The following DNAAF10 variants were observed in gnomAD, a reference collection of about 807,000 sequenced individuals.
DNAAF10 encodes WD repeat domain 92.
DNAAF10 carries 28 observed loss-of-function variants against 43.7 expected under a neutral mutation model. The ratio of observed to expected loss-of-function variants is 0.64; its 90% CI spans 0.48 to 0.88. The LOEUF (loss-of-function observed/expected upper bound fraction) is 0.88, where lower values mean the gene tolerates loss of function less well. Ranked by LOEUF, DNAAF10 falls within the 40% of genes least tolerant of loss-of-function variation. The pLI is 0.00. For synonymous variants in DNAAF10, 156 were observed against 157.3 expected (o/e 0.99, Z 0.06); for missense variants, 403 against 439.1 (o/e 0.92, Z 0.73).
chr2:68,150,187 T>G (rs1292954703), intron 1 of DNAAF10, among the ~76,000 whole-genome samples: 3 of 152,120 alleles, frequency 2.0e-5, no homozygotes, highest in African/African-American at 7.2e-5. Flanking sequence ...TGGATAAAAA[T>G]AAAAAACTGG....
chr2:68,152,521 A>C (rs1463256041), intron 1 of DNAAF10, among the ~76,000 whole-genome samples: 1 of 152,168 alleles, frequency 6.6e-6, no homozygotes, highest in Non-Finnish European at 1.5e-5. Flanking sequence ...CATAGTTCAC[A>C]AACGGGTTCC....
In DNAAF10 at chr2:68,131,239, CAAATT is replaced by C; in HGVS notation, c.1068_1072del (p.Ile357ThrfsTer7). 1 of 1,613,848 alleles carries C rather than the reference CAAATT, an allele frequency of 6.2e-7. No homozygotes were observed. The highest frequency in any genetic ancestry group is 8.5e-7 in the Non-Finnish European group (1 of 1,179,916). On this transcript the variant is annotated frameshift_variant and stop_lost, in exon 8 of 8. Coordinates refer to ENST00000295121, the MANE Select transcript of DNAAF10 (RefSeq NM_138458.4). LOFTEE classifies it high-confidence loss of function. The stretch of plus-strand genomic sequence containing the variant: ...AGCCTCAAGTCCAAAGTCTTGAAGT[CAAATT>C]TTATTGAGCTTTGTAACGATCAGTA...
intron 1 of DNAAF10, among the ~76,000 whole-genome samples, chr2:68,154,602 G>A (rs934098445): frequency 1.3e-5 from 2 of 151,976 alleles, no homozygotes; most frequent in African/African-American, 4.8e-5. Flanking sequence ...TATTTTCTTC[G>A]TTTTCCTATT....
Position 68,131,427 on chromosome 2 carries a change from C to T in DNAAF10, c.885G>A (p.Arg295=). Residue 295 remains arginine (R), a synonymous_variant, in exon 8 of 8, where the codon CGG becomes CGA. Coordinates refer to ENST00000295121, the MANE Select transcript of DNAAF10 (RefSeq NM_138458.4). The part of the protein sequence containing the change: ...HLWKYEYPIQ[R]SKKDSEGIEM... ...CTATTCCCTCAGAATCTTTCTTTGACCGCTGAATAGGGTATTCACTGAAAA... is the reference window on the plus strand; with the variant it reads ...CTATTCCCTCAGAATCTTTCTTTGATCGCTGAATAGGGTATTCACTGAAAA... 6.2e-7 allele frequency: 1 copy of T among 1,614,108 alleles called. No homozygotes were observed. The highest frequency in any genetic ancestry group is 8.5e-7 in the Non-Finnish European group (1 of 1,180,024).
chr2:68,144,649 TA>T lies in DNAAF10; in HGVS notation c.350del (p.Ile117LysfsTer4). The T allele has an allele frequency of 6.2e-7, 1 of 1,614,004 alleles. No homozygotes were observed. The highest frequency in any genetic ancestry group is 8.5e-7 in the Non-Finnish European group (1 of 1,179,922). ...CAATTCCTAGTCCACCTATGCCATC[TA>T]TGGCATTTATAATTTCTTTATGGCC... ...VKGHKEIINA[I>X]DGIGGLGIGE... On this transcript the variant is annotated frameshift_variant, in exon 3 of 8. Transcript: ENST00000295121. LOFTEE classifies it high-confidence loss of function.
chr2:68,131,445 A>T lies in DNAAF10; in HGVS notation c.867T>A (p.Tyr289Ter), dbSNP rs1449920222. 1 of 1,613,504 alleles carries T rather than the reference A, an allele frequency of 6.2e-7. No individual in the cohort carries two copies. The highest frequency in any genetic ancestry group is 8.5e-7 in the Non-Finnish European group (1 of 1,179,546). Residue 289 changes from tyrosine to a stop codon, truncating the protein, a stop_gained and splice_region_variant, in exon 8 of 8, where the codon TAT becomes TAA. Coordinates refer to ENST00000295121, the MANE Select transcript of DNAAF10 (RefSeq NM_138458.4). LOFTEE classifies it high-confidence loss of function. ...TCTTTGACCGCTGAATAGGGTATTC[A>T]CTGAAAACAAGATCAAAATGGTAAG... is the stretch of plus-strand genomic sequence containing the variant. ...GGAGGLHLWK[Y>*]EYPIQRSKKD...
intron 2 of DNAAF10, 34 bp from the exon 3 acceptor site, chr2:68,144,749 T>C (rs201316720): frequency 1.9e-6 from 3 of 1,587,390 alleles, no homozygotes; most frequent in African/African-American, 2.7e-5. Flanking sequence ...ACACCACATA[T>C]CCCAAACATA....
chr2:68,137,518 T>C (rs1673073004), intron 5 of DNAAF10, 85 bp from the exon 6 acceptor site: 1 of 1,257,892 alleles, frequency 7.9e-7, no homozygotes, highest in Admixed American at 2.8e-5. Context: ...AGCTTTAAAA[T>C]GGTCAGATAA....
chr2:68,154,951 A>G (rs893373331), intron 1 of DNAAF10, among the ~76,000 whole-genome samples: 2 of 151,506 alleles, frequency 1.3e-5, no homozygotes, highest in Non-Finnish European at 2.9e-5. Context: ...TTTTTATACA[A>G]AAAGTAGAGA....
intron 7 of DNAAF10, among the ~76,000 whole-genome samples, chr2:68,132,993 C>T (rs1223793255): frequency 6.6e-6 from 1 of 152,126 alleles, no homozygotes; most frequent in Non-Finnish European, 1.5e-5. Flanking sequence ...AAGCGAGCAG[C>T]CTAAAGAGTT....
chr2:68,144,228 T>C (rs1673258962), intron 3 of DNAAF10, among the ~76,000 whole-genome samples: 1 of 152,162 alleles, frequency 6.6e-6, no homozygotes, highest in African/African-American at 2.4e-5. Flanking sequence ...AATTCTGCCT[T>C]TTAAAAAAAG....
chr2:68,144,501 A>AT (rs1362261425), intron 3 of DNAAF10, 84 bp downstream of exon 3: 5 of 1,548,396 alleles, frequency 3.2e-6, no homozygotes, highest in East Asian at 2.3e-5. Flanking sequence ...ACTGAAGGGG[A>AT]TTTTTTACTC....
chr2:68,146,059 C>T (rs527290379), intron 2 of DNAAF10, among the ~76,000 whole-genome samples: 41 of 152,172 alleles, frequency 2.7e-4, no homozygotes, highest in Non-Finnish European at 4.7e-4. Flanking sequence ...GTCAGGAGTT[C>T]GAGACTAGCC....
At chr2:68,143,364 G>T (rs1673237707) in intron 3 of DNAAF10, among the ~76,000 whole-genome samples, 1 of 151,918 alleles carries the variant, frequency 6.6e-6, no homozygotes, top group Non-Finnish European at 1.5e-5. Context: ...TTGTATTTTA[G>T]AAGAGACAGG....
chr2:68,155,038 T>A (rs1162842744), intron 1 of DNAAF10, among the ~76,000 whole-genome samples: 4 of 152,076 alleles, frequency 2.6e-5, no homozygotes, highest in African/African-American at 9.7e-5. Context: ...TCCCAAAGTG[T>A]TGGAATTGCA....
chr2:68,138,976 C>A, intron 4 of DNAAF10, 119 bp from the exon 5 acceptor site: 1 of 713,436 alleles, frequency 1.4e-6, no homozygotes, highest in South Asian at 1.8e-5. Flanking sequence ...AAAAATCACA[C>A]TGGGTAGTAT....
intron 1 of DNAAF10, among the ~76,000 whole-genome samples, chr2:68,155,939 T>TA (rs1213606518): frequency 1.3e-5 from 2 of 150,950 alleles, no homozygotes; most frequent in African/African-American, 4.9e-5. Context: ...TCTACCAAAA[T>TA]AAAAAATAAA....
intron 1 of DNAAF10, among the ~76,000 whole-genome samples, chr2:68,155,988 C>T (rs1448733517): frequency 6.6e-6 from 1 of 150,748 alleles, no homozygotes; most frequent in African/African-American, 2.4e-5. Flanking sequence ...GGTGTGGTGG[C>T]ACACACCTGT....
rs772402869 is a variant in DNAAF10 at position 68,134,453 on chromosome 2, CA to C, written c.866+248del. ...GATAAAAGTCTTGGGCCAACTTTTTCATACTTAGAAGACACAACTAAAATGA... is the reference window on the plus strand; with the variant it reads ...GATAAAAGTCTTGGGCCAACTTTTTCTACTTAGAAGACACAACTAAAATGA... On this transcript the variant is annotated intron_variant, in intron 7 of 7. Coordinates refer to ENST00000295121, the MANE Select transcript of DNAAF10 (RefSeq NM_138458.4). 1.7e-3 allele frequency: 2,113 copies of C among 1,259,858 alleles called. 4 individuals carry two copies. The highest frequency in any genetic ancestry group is 1.9e-3 in the Non-Finnish European group (1,870 of 1,003,298). The allele number at this position is 1,259,858 out of a possible 1,614,324, so 78.0% of individuals were successfully genotyped here.
Sources: allele counts gnomAD v4.1 joint callset (sites outside exome capture counted in the v4.1 genomes callset), GRCh38; gene constraint gnomAD v4.1.1; transcripts MANE v1.5; gene names NCBI Gene and HGNC (gene_info 2026-07-23, HGNC 2026-07-21).